The following PCCA variants were observed in gnomAD, a reference collection of about 807,000 sequenced individuals.
PCCA encodes the protein propionyl-CoA carboxylase subunit alpha.
Under a neutral mutation model 101.3 loss-of-function variants are expected in PCCA, and 74 were observed. That is an observed-to-expected ratio of 0.73 (90% CI 0.61 to 0.89). PCCA has a LOEUF of 0.89. Among genes scored for constraint, PCCA ranks in the 40% least tolerant of loss-of-function variants. PCCA has a pLI of 0.00. For synonymous variants in PCCA, 294 were observed against 313.6 expected (o/e 0.94, Z 0.66); for missense variants, 891 against 907.0 (o/e 0.98, Z 0.23).
At chr13:100,319,523 G>A (rs994312283) in intron 16 of PCCA, among the ~76,000 whole-genome samples, 32 of 152,172 alleles carry the variant, frequency 2.1e-4, no homozygotes, top group African/African-American at 7.7e-4. Context: ...TAAGGTGTAA[G>A]GAAGGGATCC....
intron 10 of PCCA, among the ~76,000 whole-genome samples, chr13:100,263,315 G>A (rs2062654932): frequency 6.6e-6 from 1 of 152,146 alleles, no homozygotes; most frequent in African/African-American, 2.4e-5. Context: ...GTCTGTTGAA[G>A]TTTTCATTTG....
rs117342059 is a variant in PCCA, at chr13:100,091,882, A to G, written c.105+2657A>G. On this transcript the variant is annotated intron_variant, in intron 1 of 23. Transcript: ENST00000376285. ...ATGTTGGTTTTATGGTAATTGCTAT[A>G]GTTATTATTGAACTCTTATATGCCT... is the stretch of plus-strand genomic sequence containing the variant. Among the ~76,000 whole-genome samples the G allele has an allele frequency of 8.1e-3, 1,229 of 152,118 alleles. 9 individuals are homozygous for G. Among genetic ancestry groups the G allele is most frequent in the Non-Finnish European group, 0.012 (827 of 67,998 alleles).
intron 4 of PCCA, among the ~76,000 whole-genome samples, chr13:100,113,841 C>T (rs766558282): frequency 3.2e-4 from 49 of 152,148 alleles, no homozygotes; most frequent in African/African-American, 9.9e-4. Flanking sequence ...GGCCTCCCAA[C>T]GTGCTGGGAT....
chr13:100,437,428 A>G (rs1053931145), intron 20 of PCCA, among the ~76,000 whole-genome samples: 2 of 128,122 alleles, frequency 1.6e-5, no homozygotes, highest in East Asian at 7.2e-4. Context: ...AGTTCTCTTC[A>G]GAATTTTAAA....
At chr13:100,228,940 T>C (rs1004565739) in intron 7 of PCCA, among the ~76,000 whole-genome samples, 1 of 149,736 alleles carries the variant, frequency 6.7e-6, no homozygotes, top group Non-Finnish European at 1.5e-5. Flanking sequence ...TTTAGTAAAA[T>C]AAAGTTTAAC....
At chr13:100,189,907 G>A (rs1034249838) in intron 6 of PCCA, among the ~76,000 whole-genome samples, 1 of 152,130 alleles carries the variant, frequency 6.6e-6, no homozygotes, top group Admixed American at 6.5e-5. Context: ...CAATATACAT[G>A]TTGTTAGTTT....
intron 19 of PCCA, among the ~76,000 whole-genome samples, chr13:100,395,048 T>A (rs2076980407): frequency 6.6e-6 from 1 of 152,132 alleles, no homozygotes; most frequent in Non-Finnish European, 1.5e-5. Context: ...TGGGCACAGG[T>A]TTGCATATCT....
intron 4 of PCCA, among the ~76,000 whole-genome samples, chr13:100,147,069 G>T (rs566785287): frequency 6.6e-6 from 1 of 151,234 alleles, no homozygotes; most frequent in African/African-American, 2.4e-5. Context: ...GTGTGATTCA[G>T]TTTATACCAA....
At chr13:100,123,064 C>A (rs1356457508) in intron 4 of PCCA, among the ~76,000 whole-genome samples, 1 of 152,170 alleles carries the variant, frequency 6.6e-6, no homozygotes, top group African/African-American at 2.4e-5. Flanking sequence ...CTGAATAACT[C>A]CTTTTCTTTT....
chr13:100,309,937 T>G, intron 16 of PCCA, 29 bp downstream of exon 16: 13 of 1,501,028 alleles, frequency 8.7e-6, no homozygotes, highest in African/African-American at 1.4e-5. Context: ...ACTCGTTGGT[T>G]ATTGTATATG....
chr13:100,504,476 T>A (rs988083553), intron 21 of PCCA, among the ~76,000 whole-genome samples: 1 of 152,222 alleles, frequency 6.6e-6, no homozygotes, highest in Non-Finnish European at 1.5e-5. Flanking sequence ...TTTAGATCCC[T>A]GTGTGTTGAA....
rs562048756 is a variant in PCCA at position 100,355,614 on chromosome 13, C to G, written c.1644-12858C>G. Among the ~76,000 whole-genome samples, 137 of 152,076 alleles carry G rather than the reference C, an allele frequency of 9.0e-4. 1 individual carries two copies. Among genetic ancestry groups the G allele is most frequent in the African/African-American group, 3.1e-3 (127 of 41,514 alleles). On this transcript the variant is annotated intron_variant, in intron 18 of 23. Coordinates refer to ENST00000376285, the MANE Select transcript of PCCA (RefSeq NM_000282.4). ...AAATGTAAATTTTAAACAAGAAATG[C>G]AATACTTGAACACTGAAAACTATAA...
intron 18 of PCCA, among the ~76,000 whole-genome samples, chr13:100,359,448 C>T (rs574756281): frequency 7.9e-5 from 12 of 152,230 alleles, no homozygotes; most frequent in African/African-American, 2.9e-4. Flanking sequence ...TTATAAGAAT[C>T]TATAAAACAA....
At chr13:100,213,583 GA>G (rs1347417845) in intron 7 of PCCA, among the ~76,000 whole-genome samples, 2 of 152,074 alleles carry the variant, frequency 1.3e-5, no homozygotes, top group Non-Finnish European at 2.9e-5. Flanking sequence ...TGGATTATTA[GA>G]TTTTTTTTCT....
chr13:100,498,727 C>A (rs915468181), intron 21 of PCCA, among the ~76,000 whole-genome samples: 1 of 152,128 alleles, frequency 6.6e-6, no homozygotes, highest in Non-Finnish European at 1.5e-5. Context: ...TATAACACTT[C>A]TGAGGTTCAT....
intron 11 of PCCA, 100 bp from the exon 12 acceptor site, chr13:100,273,096 C>G (rs930340298): frequency 1.2e-6 from 1 of 814,664 alleles, no homozygotes; most frequent in Non-Finnish European, 2.1e-6. Context: ...TATAGATGAT[C>G]TATATCTGAG....
chr13:100,102,894 C>G lies in PCCA; in HGVS notation c.117C>G (p.Tyr39Ter). 1 of 1,610,456 alleles carries G rather than the reference C, an allele frequency of 6.2e-7. No individual in the cohort carries two copies. Among genetic ancestry groups the G allele is most frequent in the Non-Finnish European group, 8.5e-7 (1 of 1,176,746 alleles). ...TCCTTTTTTTGTAGCATGTTCTGTA[C>G]TATTCAAGACAGTGCTTAATGGTGT... ...AALRTLKHVL[Y>*]YSRQCLMVSR... Residue 39 changes from tyrosine (Y) to a stop codon, truncating the protein, a stop_gained, in exon 2 of 24, where the codon TAC becomes TAG. Coordinates refer to ENST00000376285, the MANE Select transcript of PCCA (RefSeq NM_000282.4). LOFTEE classifies it high-confidence loss of function.
At chr13:100,309,931 G>A (rs766108323) in intron 16 of PCCA, 23 bp downstream of exon 16, 19 of 1,541,682 alleles carry the variant, frequency 1.2e-5, no homozygotes, top group Admixed American at 3.3e-5. Context: ...ATTTGCACTC[G>A]TTGGTTATTG....
At chr13:100,410,454 G>T (rs2077973781) in intron 19 of PCCA, among the ~76,000 whole-genome samples, 1 of 151,870 alleles carries the variant, frequency 6.6e-6, no homozygotes, top group Non-Finnish European at 1.5e-5. Flanking sequence ...TGTTGGCCAG[G>T]ATAGTCTTGA....
Sources: allele counts gnomAD v4.1 joint callset (sites outside exome capture counted in the v4.1 genomes callset), GRCh38; gene constraint gnomAD v4.1.1; transcripts MANE v1.5; gene names NCBI Gene and HGNC (gene_info 2026-07-23, HGNC 2026-07-21).